Variants in COL23A1 observed in about 807,000 individuals in gnomAD.
COL23A1 encodes collagen alpha-1(XXIII) chain.
In COL23A1, 97 loss-of-function variants were observed where a neutral mutation model predicts 99.3. The observed-to-expected ratio is 0.98, with a 90% CI of 0.83 to 1.16. The LOEUF (loss-of-function observed/expected upper bound fraction) is 1.16, where lower values mean the gene tolerates loss of function less well. COL23A1 is among the 50% of genes most tolerant of loss of function. The pLI, the probability that COL23A1 is intolerant of heterozygous loss-of-function variation, is 0.00. For missense variants in COL23A1, 762 were observed against 757.4 expected (o/e 1.01, Z -0.07); for synonymous variants, 320 against 308.2 (o/e 1.04, Z -0.40).
chr5:178,241,988 G>C, intron 27 of COL23A1, 54 bp downstream of exon 27: 1 of 1,386,366 alleles, frequency 7.2e-7, no homozygotes, highest in South Asian at 1.3e-5. Context: ...ATGTTGGGCT[G>C]ACCCTGGCTG....
intron 27 of COL23A1, among the ~76,000 whole-genome samples, chr5:178,241,063 C>A (rs113178717): frequency 0.028 from 4,239 of 152,230 alleles, 179 homozygotes; most frequent in African/African-American, 0.097. Flanking sequence ...AAGACCCCAG[C>A]TCTACAAAAA....
intron 3 of COL23A1, among the ~76,000 whole-genome samples, chr5:178,303,633 G>A (rs543778097): frequency 1.1e-3 from 169 of 152,330 alleles, no homozygotes; most frequent in Non-Finnish European, 1.8e-3. Context: ...GCGGAGACCC[G>A]GGAAGTGCCT....
intron 3 of COL23A1, among the ~76,000 whole-genome samples, chr5:178,296,048 G>A (rs934584420): frequency 3.9e-5 from 6 of 152,244 alleles, no homozygotes; most frequent in Non-Finnish European, 7.3e-5. Flanking sequence ...TTTGTGTATA[G>A]CTCACTGAGT....
Position 178,457,032 on chromosome 5 carries a change from A to G in COL23A1, c.361+103650T>C, listed in dbSNP as rs116699382. The stretch of plus-strand genomic sequence containing the variant: ...CTATTACAGTTAATGAAAAATGTTA[A>G]TCATGGTGCAGGGATACAGGCCCTT... On this transcript the variant is annotated intron_variant, in intron 2 of 28. Transcript: ENST00000390654. 3.4e-3 allele frequency among the ~76,000 whole-genome samples: 519 copies of G among 152,306 alleles called. 6 individuals carry two copies. The highest frequency in any genetic ancestry group is 0.011 in the African/African-American group (466 of 41,564).
At chr5:178,334,086 G>A (rs952608317) in intron 2 of COL23A1, among the ~76,000 whole-genome samples, 9 of 152,110 alleles carry the variant, frequency 5.9e-5, no homozygotes, top group Non-Finnish European at 8.8e-5. Flanking sequence ...GGGGATGTCC[G>A]GGTCCTCAAG....
rs1418858876 is a variant in COL23A1, at chr5:178,365,623, C to T, written c.362-58704G>A. 6.6e-6 allele frequency among the ~76,000 whole-genome samples: 1 copy of T among 152,136 alleles called. No homozygotes were observed. Among genetic ancestry groups the T allele is most frequent in the Non-Finnish European group, 1.5e-5 (1 of 68,024 alleles). ...CATGCCCCAGCCTCACCCCACGGCC[C>T]GCCCAGCACCCGCCAGGCATGCAGT... On this transcript the variant is annotated intron_variant, in intron 2 of 28. Transcript: ENST00000390654. The surrounding 1 kb of genome is among the most constrained non-coding windows in gnomAD (Gnocchi z 5.2).
At chr5:178,478,413 G>T (rs140242989) in intron 2 of COL23A1, among the ~76,000 whole-genome samples, 1 of 152,212 alleles carries the variant, frequency 6.6e-6, no homozygotes, top group Non-Finnish European at 1.5e-5. Context: ...GACTCAAAAC[G>T]ATAGTGCCAT....
chr5:178,539,234 A>G (rs553885569), intron 2 of COL23A1, among the ~76,000 whole-genome samples: 2 of 152,298 alleles, frequency 1.3e-5, no homozygotes, highest in African/African-American at 4.8e-5. Flanking sequence ...TCTGACTTCA[A>G]TCTTAATAAA....
chr5:178,493,118 C>G (rs1758017265), intron 2 of COL23A1, among the ~76,000 whole-genome samples: 1 of 152,178 alleles, frequency 6.6e-6, no homozygotes, highest in Admixed American at 6.5e-5. Context: ...CAGCATCAGG[C>G]ACTGAATGAG....
chr5:178,545,047 G>A (rs1199990859), intron 2 of COL23A1, among the ~76,000 whole-genome samples: 2 of 152,106 alleles, frequency 1.3e-5, no homozygotes, highest in African/African-American at 4.8e-5. Context: ...CGTGATCATT[G>A]CACTCCAGCC....
At position 178,590,314 on chromosome 5, in the gene COL23A1, G is replaced by C; in HGVS notation, c.-117C>G. On this transcript the variant is annotated 5_prime_UTR_variant, in exon 1 of 29. Transcript: ENST00000390654. The surrounding 1 kb of genome is among the most constrained non-coding windows in gnomAD (Gnocchi z 5.7). ...CGAGGTCCGCCGGGCGCGGGGGTTA[G>C]CCTCCGGGTAGCAGCGGATCGCCGC... 4 of 948,568 alleles carry C rather than the reference G, an allele frequency of 4.2e-6. No individual in the cohort carries two copies. Among genetic ancestry groups the C allele is most frequent in the Non-Finnish European group, 5.3e-6 (4 of 752,502 alleles). 58.8% of individuals were successfully genotyped at this position (948,568 alleles called of 1,614,324 possible). A position where few individuals can be genotyped will look rare whatever the true frequency, so the allele number is the denominator to read the frequency against.
intron 2 of COL23A1, among the ~76,000 whole-genome samples, chr5:178,554,302 CTAAG>C (rs1419580323): frequency 1.3e-5 from 2 of 152,150 alleles, no homozygotes; most frequent in Non-Finnish European, 2.9e-5. Context: ...CCTCAGCCTC[CTAAG>C]TAACTGGGAT....
At chr5:178,272,556 C>G (rs1756350979) in intron 5 of COL23A1, among the ~76,000 whole-genome samples, 1 of 152,036 alleles carries the variant, frequency 6.6e-6, no homozygotes, top group Non-Finnish European at 1.5e-5. Flanking sequence ...GGATTCAGGC[C>G]CTGGGGGCCC....
At position 178,262,261 on chromosome 5, in the gene COL23A1, G is replaced by A. The variant is rs1399415271; in HGVS notation, c.640-9C>T. The A allele has an allele frequency of 1.3e-6, 2 of 1,579,368 alleles. No homozygotes were observed. The highest frequency in any genetic ancestry group is 2.3e-5 in the East Asian group (1 of 43,882). On this transcript the variant is annotated splice_polypyrimidine_tract_variant and intron_variant, in intron 9 of 28. Coordinates refer to ENST00000390654, the MANE Select transcript of COL23A1 (RefSeq NM_173465.4). The stretch of plus-strand genomic sequence containing the variant: ...GGCTCTCCTTTGGGGCCCTGCGGAA[G>A]TGTGAGGGGACAGCAGTGAAGGATG...
chr5:178,449,124 G>A (rs1767338893), intron 2 of COL23A1, among the ~76,000 whole-genome samples: 1 of 152,096 alleles, frequency 6.6e-6, no homozygotes, highest in African/African-American at 2.4e-5. Flanking sequence ...AGCTTCCCAA[G>A]TAGCTGGGAT....
chr5:178,551,520 G>A (rs888332964), intron 2 of COL23A1, among the ~76,000 whole-genome samples: 9 of 152,000 alleles, frequency 5.9e-5, no homozygotes, highest in Admixed American at 3.3e-4. Context: ...CTGTTTCTGC[G>A]CAGCTTCCCC....
intron 2 of COL23A1, among the ~76,000 whole-genome samples, chr5:178,483,546 T>A (rs1446808592): frequency 6.6e-6 from 1 of 152,152 alleles, no homozygotes; most frequent in East Asian, 1.9e-4. Flanking sequence ...AATTATGAGT[T>A]CCAGTCTTTA....
At chr5:178,319,599 G>A (rs10066744) in intron 2 of COL23A1, among the ~76,000 whole-genome samples, 6 of 152,168 alleles carry the variant, frequency 3.9e-5, no homozygotes, top group East Asian at 1.9e-4. Flanking sequence ...AACATGCGCC[G>A]TCCGCTCCCA....
chr5:178,336,330 C>T (rs954469503), intron 2 of COL23A1, among the ~76,000 whole-genome samples: 1 of 152,224 alleles, frequency 6.6e-6, no homozygotes, highest in Non-Finnish European at 1.5e-5. Flanking sequence ...AAGGCAGAAA[C>T]AACCCAGATG....
Sources: allele counts gnomAD v4.1 joint callset (sites outside exome capture counted in the v4.1 genomes callset), GRCh38; gene constraint gnomAD v4.1.1; non-coding constraint Gnocchi (gnomAD v3.1); transcripts MANE v1.5; gene names NCBI Gene and HGNC (gene_info 2026-07-23, HGNC 2026-07-21).